SPHKAP: variants seen among roughly 807,000 people sequenced by gnomAD.
SPHKAP encodes the protein SPHK1 interactor, AKAP domain containing, also known as A-kinase anchor protein SPHKAP.
In SPHKAP, 67 loss-of-function variants were observed where a neutral mutation model predicts 137.5. The observed-to-expected ratio is 0.49, with a 90% CI of 0.40 to 0.60. The LOEUF (loss-of-function observed/expected upper bound fraction) is 0.60, where lower values mean the gene tolerates loss of function less well. Ranked by LOEUF, SPHKAP falls within the 20% of genes least tolerant of loss-of-function variation. The pLI, the probability that SPHKAP is intolerant of heterozygous loss-of-function variation, is 0.00. For synonymous variants in SPHKAP, 813 were observed against 785.3 expected (o/e 1.04, Z -0.59); for missense variants, 2,097 against 2,069.3 (o/e 1.01, Z -0.26).
At chr2:228,023,830 C>T (rs1194873882) in intron 5 of SPHKAP, among the ~76,000 whole-genome samples, 9 of 152,150 alleles carry the variant, frequency 5.9e-5, no homozygotes, top group African/African-American at 1.9e-4. Flanking sequence ...GTGACTTAAG[C>T]CTGGCCAATC....
In SPHKAP at chr2:228,055,141, CCA is replaced by C. The variant is rs201008569; in HGVS notation, c.247-27600_247-27599del. Among the ~76,000 whole-genome samples, 858 of 111,872 alleles carry C rather than the reference CCA, an allele frequency of 7.7e-3. 12 individuals are homozygous for C. Among genetic ancestry groups the C allele is most frequent in the African/African-American group, 0.015 (411 of 28,292 alleles). 73.4% of individuals were successfully genotyped at this position (111,872 alleles called of 152,430 possible). On this transcript the variant is annotated intron_variant, in intron 3 of 11. Transcript: ENST00000392056. Reference sequence around the variant, plus strand: ...TGGGCAAAAAGAGTGAAACTCCACTCCAAAAAAAAAAAAAAAAAGTGGTTTGA... The same window carrying C: ...TGGGCAAAAAGAGTGAAACTCCACTCAAAAAAAAAAAAAAAAGTGGTTTGA...
intron 2 of SPHKAP, among the ~76,000 whole-genome samples, chr2:228,128,608 A>G (rs1339548673): frequency 1.3e-5 from 2 of 152,184 alleles, no homozygotes; most frequent in African/African-American, 4.8e-5. Flanking sequence ...GCCCAGATCC[A>G]TCAAAGGAAT....
intron 1 of SPHKAP, among the ~76,000 whole-genome samples, chr2:228,141,829 C>T (rs1699615964): frequency 6.6e-6 from 1 of 151,966 alleles, no homozygotes; most frequent in African/African-American, 2.4e-5. Flanking sequence ...AAAGTGTTTC[C>T]AGAGAAAAGT....
chr2:228,028,077 C>G (rs1040844295), intron 3 of SPHKAP: 135 of 985,108 alleles, frequency 1.4e-4, no homozygotes, highest in Non-Finnish European at 1.5e-4. Context: ...TGCCCGCTTC[C>G]TTTCATGGCC....
chr2:228,154,032 A>C (rs1559203522), intron 1 of SPHKAP, among the ~76,000 whole-genome samples: 1 of 152,154 alleles, frequency 6.6e-6, no homozygotes, highest in Non-Finnish European at 1.5e-5. Flanking sequence ...ATGACTCCTC[A>C]CTCTCGCTCA....
At chr2:228,107,366 G>C (rs541575636) in intron 3 of SPHKAP, among the ~76,000 whole-genome samples, 3 of 152,178 alleles carry the variant, frequency 2.0e-5, no homozygotes, top group Admixed American at 2.0e-4. Flanking sequence ...GGGAGCAAAT[G>C]AATCTTCCAA....
chr2:228,025,787 A>G, intron 4 of SPHKAP: 4 of 814,230 alleles, frequency 4.9e-6, no homozygotes, highest in Non-Finnish European at 5.9e-6. Context: ...TAAAGTAAAC[A>G]TTATGATAGT....
At chr2:228,147,718 T>C (rs1559199751) in intron 1 of SPHKAP, among the ~76,000 whole-genome samples, 1 of 152,220 alleles carries the variant, frequency 6.6e-6, no homozygotes, top group Admixed American at 6.5e-5. Context: ...GGAGATAACT[T>C]CAGTCAATGG....
chr2:228,119,134 C>T (rs1195723009), intron 2 of SPHKAP, among the ~76,000 whole-genome samples: 2 of 152,078 alleles, frequency 1.3e-5, no homozygotes, highest in Admixed American at 6.6e-5. Context: ...GCAGAGCAGC[C>T]TCCCAGGCAG....
At chr2:228,055,104 T>C (rs942750964) in intron 3 of SPHKAP, among the ~76,000 whole-genome samples, 1 of 136,002 alleles carries the variant, frequency 7.4e-6, no homozygotes, top group African/African-American at 2.8e-5. Context: ...ATCATGCCAT[T>C]GTACTCCAGC....
intron 1 of SPHKAP, among the ~76,000 whole-genome samples, chr2:228,134,224 AGGAG>A (rs1363494725): frequency 2.4e-5 from 3 of 124,966 alleles, no homozygotes; most frequent in African/African-American, 3.5e-5. Context: ...AAGGAAGGGA[AGGAG>A]GGAGGGAGGA....
At chr2:227,982,096 C>T in intron 11 of SPHKAP, 2 of 981,554 alleles carry the variant, frequency 2.0e-6, no homozygotes, top group Non-Finnish European at 2.4e-6. Flanking sequence ...TCATTGACTG[C>T]AGAGGATTAG....
intron 7 of SPHKAP, among the ~76,000 whole-genome samples, chr2:228,001,352 TATATAAATATATACACAC>T (rs1468279255): frequency 7.0e-6 from 1 of 142,926 alleles, no homozygotes; most frequent in African/African-American, 2.5e-5. Context: ...TATATACACA[TATATAAATATATACACAC>T]ATAAATATAT....
chr2:228,006,042 A>G (rs1356896326), intron 7 of SPHKAP, among the ~76,000 whole-genome samples: 1 of 152,106 alleles, frequency 6.6e-6, no homozygotes, highest in Non-Finnish European at 1.5e-5. Context: ...CTCGAGGAGT[A>G]TCTTTGTGGC....
intron 3 of SPHKAP, among the ~76,000 whole-genome samples, chr2:228,038,440 T>C (rs962472807): frequency 6.6e-6 from 1 of 152,134 alleles, no homozygotes; most frequent in African/African-American, 2.4e-5. Context: ...AGATTCTGCA[T>C]TACGGTTGCA....
Position 228,181,672 on chromosome 2 carries a change from C to T in SPHKAP, c.-74G>A. On this transcript the variant is annotated 5_prime_UTR_variant, in exon 1 of 12. Coordinates refer to ENST00000392056, the MANE Select transcript of SPHKAP (RefSeq NM_001142644.2). The surrounding 1 kb of genome is among the most constrained non-coding windows in gnomAD (Gnocchi z 4.3). Reference sequence around the variant, plus strand: ...AAGTCTGTGGTGCTAGGACCCAGCTCCCAGAGTGCCAGACTGGCGCGCGCC... The same window carrying T: ...AAGTCTGTGGTGCTAGGACCCAGCTTCCAGAGTGCCAGACTGGCGCGCGCC... 1.9e-6 allele frequency: 3 copies of T among 1,613,834 alleles called. No individual in the cohort carries two copies. Among genetic ancestry groups the T allele is most frequent in the Non-Finnish European group, 2.5e-6 (3 of 1,179,832 alleles).
At chr2:228,029,169 T>G (rs1299904759) in intron 3 of SPHKAP, among the ~76,000 whole-genome samples, 3 of 152,204 alleles carry the variant, frequency 2.0e-5, no homozygotes, top group Non-Finnish European at 4.4e-5. Context: ...TCTAATACTT[T>G]GCTAGCAATC....
chr2:228,049,899 G>A (rs995881879), intron 3 of SPHKAP, among the ~76,000 whole-genome samples: 1 of 151,986 alleles, frequency 6.6e-6, no homozygotes, highest in African/African-American at 2.4e-5. Flanking sequence ...AGGGTAAACA[G>A]AAAACCTACA....
chr2:228,154,963 T>A (rs1700066145), intron 1 of SPHKAP, among the ~76,000 whole-genome samples: 1 of 152,064 alleles, frequency 6.6e-6, no homozygotes. Flanking sequence ...TCCTCCTTTT[T>A]GTGTAAGTTA....
Sources: allele counts gnomAD v4.1 joint callset (sites outside exome capture counted in the v4.1 genomes callset), GRCh38; gene constraint gnomAD v4.1.1; non-coding constraint Gnocchi (gnomAD v3.1); transcripts MANE v1.5; gene names NCBI Gene and HGNC (gene_info 2026-07-23, HGNC 2026-07-21).